RRAS: variants seen among roughly 807,000 people sequenced by gnomAD.
The protein encoded by RRAS is ras-related protein R-Ras.
In RRAS, 18 loss-of-function variants were observed where a neutral mutation model predicts 23.3. The ratio of observed to expected loss-of-function variants is 0.77; its 90% confidence interval spans 0.53 to 1.15. The LOEUF (loss-of-function observed/expected upper bound fraction) is 1.15, where lower values mean the gene tolerates loss of function less well. Ranked by LOEUF, RRAS falls within the 50% of genes most tolerant of loss-of-function variation. RRAS has a pLI of 0.00. For missense variants in RRAS, 291 were observed against 317.1 expected (o/e 0.92, Z 0.62); for synonymous variants, 133 against 138.3 (o/e 0.96, Z 0.27).
intron 1 of RRAS, among the ~76,000 whole-genome samples, chr19:49,639,698 G>T (rs1011373240): frequency 5.3e-5 from 8 of 152,098 alleles, no homozygotes; most frequent in African/African-American, 1.9e-4. Flanking sequence ...CAGCAGGTAA[G>T]CGGGGTCTTA....
At position 49,635,862 on chromosome 19, in the gene RRAS, G is replaced by C. The variant is rs731861; in HGVS notation, c.454-10C>G. 0.18 allele frequency: 200,715 copies of C among 1,113,024 alleles called. 21,363 individuals carry two copies. Among genetic ancestry groups the C allele is most frequent in the African/African-American group, 0.33 (20,705 of 61,918 alleles). The allele number at this position is 1,113,024 out of a possible 1,614,324, so 68.9% of individuals were successfully genotyped here. A position where few individuals can be genotyped will look rare whatever the true frequency, so the allele number is the denominator to read the frequency against. On this transcript the variant is annotated splice_polypyrimidine_tract_variant and intron_variant, in intron 4 of 5. Transcript: ENST00000246792. ...CTTCTGATCGGGGGACCTGGGGGTA[G>C]GGGGGACACGGGGGAGTCAGGTCCC...
intron 1 of RRAS, among the ~76,000 whole-genome samples, chr19:49,639,205 C>T (rs113751054): frequency 0.092 from 13,936 of 151,756 alleles, 885 homozygotes; most frequent in South Asian, 0.21. Flanking sequence ...CAAGGCAGGC[C>T]GATCACGAGG....
Position 49,635,631 on chromosome 19 carries a change from C to A in RRAS, c.602G>T (p.Ser201Ile). The change falls in exon 6 of 6, where the codon AGC becomes ATC. Residue 201 changes from serine to isoleucine, a missense_variant. By Grantham distance (142) the Ser-to-Ile change is moderately radical. Transcript: ENST00000246792. ...RKYQEQELPP[S>I]PPSAPRKKGG... is the part of the protein sequence containing the mutation. ...CTTCTTCCTGGGGGCACTGGGAGGG[C>A]TCGGTGGGAGCTCTTGTTCCTGGTA... 1 of 1,446,258 alleles carries A rather than the reference C, an allele frequency of 6.9e-7. No individual in the cohort carries two copies. The highest frequency in any genetic ancestry group is 1.5e-5 in the South Asian group (1 of 66,696). 89.6% of individuals were successfully genotyped at this position (1,446,258 alleles called of 1,614,324 possible).
rs1426453385 is a variant in RRAS, at chr19:49,636,101, G to A, written c.454-249C>T. Among the ~76,000 whole-genome samples, 1 of 152,212 alleles carries A rather than the reference G, an allele frequency of 6.6e-6. No individual in the cohort carries two copies. The highest frequency in any genetic ancestry group is 2.4e-5 in the African/African-American group (1 of 41,448). On this transcript the variant is annotated intron_variant, in intron 4 of 5. Transcript: ENST00000246792. This position sits in a 1 kb window ranked among gnomAD's most constrained non-coding sequence, Gnocchi z 4.5. ...AGATAACCAGGAGTGGGCAGGCAGG[G>A]AAGTCAGGGTGTTCCCGGCAGAGGC... is the stretch of plus-strand genomic sequence containing the variant.
chr19:49,639,956 T>C lies in RRAS; in HGVS notation c.143A>G (p.Gln48Arg). The change falls in exon 1 of 6, where the codon CAG becomes CGG. Residue 48 changes from glutamine (Q) to arginine (R), a missense_variant. By Grantham distance (43) the Gln-to-Arg change is conservative (BLOSUM62 1). Coordinates refer to ENST00000246792, the MANE Select transcript of RRAS (RefSeq NM_006270.5). The stretch of plus-strand genomic sequence containing the variant: ...GTGAGGGCCCACTACCTGGATGAAC[T>C]GGATGGTCAGCGCGCTCTTGCCCAC... ...GGVGKSALTIQFIQSYFVSDY... is the reference protein window; with the variant it reads ...GGVGKSALTIRFIQSYFVSDY... The C allele has an allele frequency of 2.5e-6, 4 of 1,590,062 alleles. No homozygotes were observed. The highest frequency in any genetic ancestry group is 3.4e-6 in the Non-Finnish European group (4 of 1,173,928).
chr19:49,639,835 C>T lies in RRAS; in HGVS notation c.153+111G>A, dbSNP rs550928249. The T allele has an allele frequency of 5.7e-6, 5 of 869,876 alleles. No individual in the cohort carries two copies. In the South Asian group the frequency reaches 8.4e-5, roughly 15 times the overall value. The allele number at this position is 869,876 out of a possible 1,614,324, so 53.9% of individuals were successfully genotyped here. On this transcript the variant is annotated intron_variant, in intron 1 of 5. Transcript: ENST00000246792. ...TGGGGATCTTTTAAGATTAGAGGGC[C>T]TTATAGGAGGGTCTCAGTGATGGGT...
At chr19:49,635,704 C>A in intron 5 of RRAS, 30 bp downstream of exon 5, 2 of 1,542,144 alleles carry the variant, frequency 1.3e-6, no homozygotes, top group East Asian at 2.4e-5. Flanking sequence ...GGGCTGGGGA[C>A]AAGGACGACA....
rs1346103836 is a variant in RRAS at position 49,637,141 on chromosome 19, G to A, written c.154-11C>T. Reference sequence around the variant, plus strand: ...AGACACGAAGTAGGACTGGCGGGGTGGGGAGAGGATAGTTACTGCAGTGCC... The same window carrying A: ...AGACACGAAGTAGGACTGGCGGGGTAGGGAGAGGATAGTTACTGCAGTGCC... On this transcript the variant is annotated splice_polypyrimidine_tract_variant and intron_variant, in intron 1 of 5. Coordinates refer to ENST00000246792, the MANE Select transcript of RRAS (RefSeq NM_006270.5). 28 of 1,605,162 alleles carry A rather than the reference G, an allele frequency of 1.7e-5. No homozygotes were observed. The East Asian group carries it at 2.7e-4, about 15-fold the overall frequency.
At position 49,636,801 on chromosome 19, in the gene RRAS, C is replaced by A; in HGVS notation, c.344+23G>T. The stretch of plus-strand genomic sequence containing the variant: ...GTCCTCCCCACACCCACCCACTGCT[C>A]CGCCACCAGCAACCCCTGTCACCTC... On this transcript the variant is annotated intron_variant, in intron 3 of 5. Transcript: ENST00000246792. This position sits in a 1 kb window ranked among gnomAD's most constrained non-coding sequence, Gnocchi z 4.5. 6.2e-7 allele frequency: 1 copy of A among 1,611,180 alleles called. No individual in the cohort carries two copies. Among genetic ancestry groups the A allele is most frequent in the Non-Finnish European group, 8.5e-7 (1 of 1,178,196 alleles).
rs749106517 is a variant in RRAS at position 49,635,856 on chromosome 19, G to T, written c.454-4C>A. 1 of 1,453,210 alleles carries T rather than the reference G, an allele frequency of 6.9e-7. No homozygotes were observed. Among genetic ancestry groups the T allele is most frequent in the Non-Finnish European group, 9.5e-7 (1 of 1,047,138 alleles). The allele number at this position is 1,453,210 out of a possible 1,614,324, so 90.0% of individuals were successfully genotyped here. A position where few individuals can be genotyped will look rare whatever the true frequency, so the allele number is the denominator to read the frequency against. On this transcript the variant is annotated splice_polypyrimidine_tract_variant and splice_region_variant and intron_variant, in intron 4 of 5. Coordinates refer to ENST00000246792, the MANE Select transcript of RRAS (RefSeq NM_006270.5). ...CAGAGGCTTCTGATCGGGGGACCTG[G>T]GGGTAGGGGGGACACGGGGGAGTCA...
At chr19:49,635,688 G>A in intron 5 of RRAS, 28 bp from the exon 6 acceptor site, 1 of 1,509,706 alleles carries the variant, frequency 6.6e-7, no homozygotes, top group South Asian at 1.2e-5. Context: ...TGAGTTTGGA[G>A]TGGAAGGGCT....
intron 1 of RRAS, among the ~76,000 whole-genome samples, chr19:49,639,048 CTT>C (rs1243956703): frequency 6.6e-6 from 1 of 151,994 alleles, no homozygotes; most frequent in Non-Finnish European, 1.5e-5. Context: ...GCAGGACTCT[CTT>C]AGGACTGGGT....
rs1199131412 is a variant in RRAS at position 49,636,741 on chromosome 19, C to T, written c.345-14G>A. The T allele has an allele frequency of 2.0e-5, 33 of 1,613,020 alleles. No homozygotes were observed. Among genetic ancestry groups the T allele is most frequent in the South Asian group, 5.5e-5 (5 of 91,070 alleles). ...ACCTCGTTGAAACTGCGAGTGAAGC[C>T]GGAGGCATGAGGTCCAGCCAGCTGC... On this transcript the variant is annotated splice_polypyrimidine_tract_variant and intron_variant, in intron 3 of 5. Coordinates refer to ENST00000246792, the MANE Select transcript of RRAS (RefSeq NM_006270.5). This position sits in a 1 kb window ranked among gnomAD's most constrained non-coding sequence, Gnocchi z 4.5.
rs1268214197 is a variant in RRAS, at chr19:49,636,607, G to T, written c.453+12C>A. ...CTGAGATGGGGTCCCCAGAAAGAGG[G>T]GTGTCCCGAACCTGGCGCTGTGACT... On this transcript the variant is annotated intron_variant, in intron 4 of 5. Transcript: ENST00000246792. This position sits in a 1 kb window ranked among gnomAD's most constrained non-coding sequence, Gnocchi z 4.5. 1 of 1,598,482 alleles carries T rather than the reference G, an allele frequency of 6.3e-7. No homozygotes were observed. The highest frequency in any genetic ancestry group is 8.6e-7 in the Non-Finnish European group (1 of 1,165,738).
Position 49,636,652 on chromosome 19 carries a change from G to T in RRAS, c.420C>A (p.Val140=). 1 of 1,614,038 alleles carries T rather than the reference G, an allele frequency of 6.2e-7. No homozygotes were observed. The highest frequency in any genetic ancestry group is 1.1e-5 in the South Asian group (1 of 91,068). The change falls in exon 4 of 6, where the codon GTC becomes GTA. Residue 140 remains valine (V), a synonymous_variant. Transcript: ENST00000246792. The surrounding 1 kb of genome is among the most constrained non-coding windows in gnomAD (Gnocchi z 4.5). ...KDRDDFPVVL[V]GNKADLESQR... is the part of the protein sequence containing the mutation. ...GTGACTCCAGATCTGCCTTGTTCCC[G>T]ACCAACACAACGGGGAAGTCGTCGC...
rs1346103836 is a variant in RRAS at position 49,637,141 on chromosome 19, G to C, written c.154-11C>G. 7 of 1,605,280 alleles carry C rather than the reference G, an allele frequency of 4.4e-6. No homozygotes were observed. The highest frequency in any genetic ancestry group is 6.0e-6 in the Non-Finnish European group (7 of 1,175,580). On this transcript the variant is annotated splice_polypyrimidine_tract_variant and intron_variant, in intron 1 of 5. Coordinates refer to ENST00000246792, the MANE Select transcript of RRAS (RefSeq NM_006270.5). Reference sequence around the variant, plus strand: ...AGACACGAAGTAGGACTGGCGGGGTGGGGAGAGGATAGTTACTGCAGTGCC... The same window carrying C: ...AGACACGAAGTAGGACTGGCGGGGTCGGGAGAGGATAGTTACTGCAGTGCC...
rs372836710 is a variant in RRAS, at chr19:49,635,524, C to T, written c.*52G>A. On this transcript the variant is annotated 3_prime_UTR_variant, in exon 6 of 6. Transcript: ENST00000246792. ...GGGCCTCAGGTCACACAGCAAGGTG[C>T]GAAGGCAGCTAGTCCCGAGAGCTTG... 5.2e-5 allele frequency: 63 copies of T among 1,207,950 alleles called. No homozygotes were observed. Among genetic ancestry groups the T allele is most frequent in the African/African-American group, 1.1e-4 (7 of 64,764 alleles). The allele number at this position is 1,207,950 out of a possible 1,614,324, so 74.8% of individuals were successfully genotyped here. A position where few individuals can be genotyped will look rare whatever the true frequency, so the allele number is the denominator to read the frequency against.
rs2080995543 is a variant in RRAS at position 49,636,210 on chromosome 19, T to G, written c.454-358A>C. On this transcript the variant is annotated intron_variant, in intron 4 of 5. Transcript: ENST00000246792. The surrounding 1 kb of genome is among the most constrained non-coding windows in gnomAD (Gnocchi z 4.5). ...GTGGAAATCGTTGTGGGGGAAGTGA[T>G]GGGAGCAGGGAAAGGAGGGGCGCAA... Among the ~76,000 whole-genome samples the G allele has an allele frequency of 6.7e-6, 1 of 149,884 alleles. No individual in the cohort carries two copies. Among genetic ancestry groups the G allele is most frequent in the Non-Finnish European group, 1.5e-5 (1 of 67,490 alleles).
At chr19:49,637,412 T>C (rs1354912411) in intron 1 of RRAS, among the ~76,000 whole-genome samples, 1 of 149,562 alleles carries the variant, frequency 6.7e-6, no homozygotes, top group African/African-American at 2.5e-5. Context: ...GTTCAAGAGA[T>C]TCTCCTGCCT....
Sources: allele counts gnomAD v4.1 joint callset (sites outside exome capture counted in the v4.1 genomes callset), GRCh38; gene constraint gnomAD v4.1.1; non-coding constraint Gnocchi (gnomAD v3.1); transcripts MANE v1.5; gene names NCBI Gene and HGNC (gene_info 2026-07-23, HGNC 2026-07-21).